Variants in MARK3 observed in about 807,000 individuals in gnomAD.
MARK3 encodes MAP/microtubule affinity-regulating kinase 3.
In MARK3, 46 loss-of-function variants were observed where a neutral mutation model predicts 90.1. That is an observed-to-expected ratio of 0.51 (90% confidence interval 0.40 to 0.65). The LOEUF (loss-of-function observed/expected upper bound fraction) is 0.65. Ranked by LOEUF, MARK3 falls within the 30% of genes least tolerant of loss-of-function variation. The pLI, the probability that MARK3 is intolerant of heterozygous loss-of-function variation, is 0.00. For synonymous variants in MARK3, 321 were observed against 332.6 expected, an observed-to-expected ratio of 0.97 and a Z score of 0.38; for missense variants, 818 against 947.2, an observed-to-expected ratio of 0.86 and a Z score of 1.79.
At chr14:103,484,910 ACT>A (rs2093895883) in intron 14 of MARK3, among the ~76,000 whole-genome samples, 2 of 150,326 alleles carry the variant, frequency 1.3e-5, no homozygotes, top group South Asian at 2.1e-4. Flanking sequence ...ACAGAGCAAG[ACT>A]CTGTCTCAAA....
chr14:103,395,758 C>T (rs984207299), intron 1 of MARK3, among the ~76,000 whole-genome samples: 2 of 152,132 alleles, frequency 1.3e-5, no homozygotes, highest in African/African-American at 4.8e-5. Context: ...ACTGAATGCC[C>T]TTTTTCCTCA....
chr14:103,431,245 C>T (rs2092572979), intron 3 of MARK3, among the ~76,000 whole-genome samples: 1 of 152,142 alleles, frequency 6.6e-6, no homozygotes, highest in Non-Finnish European at 1.5e-5. Flanking sequence ...GTGTACGCCA[C>T]CACACCTGGC....
chr14:103,493,900 GTTTA>G (rs1287058283), intron 15 of MARK3, among the ~76,000 whole-genome samples: 1 of 149,876 alleles, frequency 6.7e-6, no homozygotes, highest in African/African-American at 2.5e-5. Flanking sequence ...AAAACTTTGA[GTTTA>G]TTTTTCTTCT....
At chr14:103,482,415 G>T (rs1278596008) in intron 14 of MARK3, among the ~76,000 whole-genome samples, 2 of 152,042 alleles carry the variant, frequency 1.3e-5, no homozygotes, top group East Asian at 3.9e-4. Flanking sequence ...CAGCTACCAG[G>T]GAGACTGAGG....
chr14:103,460,313 C>A (rs1017338008), intron 6 of MARK3, among the ~76,000 whole-genome samples: 7 of 151,868 alleles, frequency 4.6e-5, no homozygotes, highest in Admixed American at 2.6e-4. Flanking sequence ...TCTCGATCTC[C>A]TGACCTCGTG....
At chr14:103,408,087 C>G (rs540148805) in intron 2 of MARK3, among the ~76,000 whole-genome samples, 3 of 152,246 alleles carry the variant, frequency 2.0e-5, no homozygotes, top group African/African-American at 7.2e-5. Context: ...TAGGCTGTCT[C>G]CAGTCTGTAG....
At chr14:103,417,897 C>T (rs1379519674) in intron 2 of MARK3, among the ~76,000 whole-genome samples, 1 of 151,924 alleles carries the variant, frequency 6.6e-6, no homozygotes, top group Non-Finnish European at 1.5e-5. Flanking sequence ...TGAAACCCTG[C>T]CTCTACTAAA....
intron 12 of MARK3, among the ~76,000 whole-genome samples, chr14:103,468,616 G>A (rs559255104): frequency 3.8e-4 from 57 of 151,864 alleles, no homozygotes; most frequent in African/African-American, 1.1e-3. Context: ...ATGAGCCACC[G>A]TGCCTGGCCA....
At chr14:103,458,897 T>TA in intron 6 of MARK3, 1 of 468,042 alleles carries the variant, frequency 2.1e-6, no homozygotes, top group Non-Finnish European at 3.8e-6. Flanking sequence ...AAAACCAAAG[T>TA]AAAAATCAGC....
intron 12 of MARK3, chr14:103,469,152 C>A (rs902916974): frequency 2.6e-5 from 4 of 151,544 alleles, no homozygotes; most frequent in Admixed American, 6.6e-5. Flanking sequence ...TTTTTTATTT[C>A]TATTTATTTT....
intron 1 of MARK3, 91 bp downstream of exon 1, chr14:103,386,171 C>T (rs1595389304): frequency 8.0e-7 from 1 of 1,257,570 alleles, no homozygotes. Context: ...TCCCCCCAGC[C>T]GAACGCTCTG....
intron 5 of MARK3, 66 bp from the exon 6 acceptor site, chr14:103,457,076 C>A: frequency 1.0e-6 from 1 of 965,824 alleles, no homozygotes; most frequent in Non-Finnish European, 1.6e-6. Context: ...AGTGAAACAT[C>A]AATTTATGGG....
rs150138169 is a variant in MARK3 at position 103,412,705 on chromosome 14, G to A, written c.243+7438G>A. Reference sequence around the variant, plus strand: ...ACTTGGGGCACTTTCACTGGTTCCCGTGCAGGACTTCCTGCACCGCCTCAT... The same window carrying A: ...ACTTGGGGCACTTTCACTGGTTCCCATGCAGGACTTCCTGCACCGCCTCAT... On this transcript the variant is annotated intron_variant, in intron 2 of 17. Transcript: ENST00000429436. 194 of 630,888 alleles carry A rather than the reference G, an allele frequency of 3.1e-4. 1 individual carries two copies. Among genetic ancestry groups the A allele is most frequent in the Non-Finnish European group, 5.0e-4 (175 of 350,860 alleles). 39.1% of individuals were successfully genotyped at this position (630,888 alleles called of 1,614,324 possible). A position where few individuals can be genotyped will look rare whatever the true frequency, so the allele number is the denominator to read the frequency against.
chr14:103,395,949 A>G (rs764335206), intron 1 of MARK3, among the ~76,000 whole-genome samples: 1 of 152,178 alleles, frequency 6.6e-6, no homozygotes, highest in African/African-American at 2.4e-5. Context: ...CTTGATACCA[A>G]TATATTTAGT....
At chr14:103,466,858 G>A (rs1190165863) in intron 10 of MARK3, among the ~76,000 whole-genome samples, 1 of 152,088 alleles carries the variant, frequency 6.6e-6, no homozygotes, top group African/African-American at 2.4e-5. Context: ...TACAAAATTA[G>A]CCAGGCACGG....
intron 17 of MARK3, among the ~76,000 whole-genome samples, chr14:103,501,153 C>T (rs1437862802): frequency 1.3e-5 from 2 of 152,224 alleles, no homozygotes; most frequent in African/African-American, 4.8e-5. Flanking sequence ...CAGTGACCTC[C>T]ACTATTTCAC....
intron 17 of MARK3, among the ~76,000 whole-genome samples, chr14:103,501,271 T>C (rs987947535): frequency 1.8e-4 from 27 of 152,184 alleles, no homozygotes; most frequent in African/African-American, 5.3e-4. Context: ...CCAGGCAGCA[T>C]TCCCTCTCCA....
intron 5 of MARK3, 57 bp from the exon 6 acceptor site, chr14:103,457,085 G>C (rs2093293557): frequency 2.8e-6 from 3 of 1,054,930 alleles, no homozygotes; most frequent in Non-Finnish European, 4.3e-6. Context: ...TCAATTTATG[G>C]GAAAATTAAT....
chr14:103,409,412 C>T (rs1396879587), intron 2 of MARK3, among the ~76,000 whole-genome samples: 1 of 116,428 alleles, frequency 8.6e-6, no homozygotes, highest in Non-Finnish European at 1.6e-5. Flanking sequence ...GCACGTTCTG[C>T]ACATGTATCC....
Sources: allele counts gnomAD v4.1 joint callset (sites outside exome capture counted in the v4.1 genomes callset), GRCh38; gene constraint gnomAD v4.1.1; transcripts MANE v1.5; gene names NCBI Gene and HGNC (gene_info 2026-07-23, HGNC 2026-07-21).